AKAP9: variants seen among roughly 807,000 people sequenced by gnomAD.
AKAP9 encodes the protein A-kinase anchor protein 9.
In AKAP9, 311 loss-of-function variants were observed where a neutral mutation model predicts 488.5. That is an observed-to-expected ratio of 0.64 (90% CI 0.58 to 0.70). The LOEUF is 0.70. Ranked by LOEUF, AKAP9 falls within the 30% of genes least tolerant of loss-of-function variation. AKAP9 has a pLI of 0.00. For missense variants in AKAP9, 4,215 were observed against 4,374.5 expected, an observed-to-expected ratio of 0.96 and a Z score of 1.03; for synonymous variants, 1,462 against 1,483.5, an observed-to-expected ratio of 0.99 and a Z score of 0.33.
intron 26 of AKAP9, among the ~76,000 whole-genome samples, chr7:92,067,905 T>C (rs936670540): frequency 2.6e-5 from 4 of 152,208 alleles, no homozygotes; most frequent in Admixed American, 1.3e-4. Context: ...TGGCACATAG[T>C]GAACACTTTA....
At position 92,083,027 on chromosome 7, in the gene AKAP9, C is replaced by T. The variant is rs569767528; in HGVS notation, c.8161-143C>T. 395 of 895,344 alleles carry T rather than the reference C, an allele frequency of 4.4e-4. 4 individuals are homozygous for T. The highest frequency in any genetic ancestry group is 3.8e-3 in the South Asian group (213 of 55,764). 55.5% of individuals were successfully genotyped at this position (895,344 alleles called of 1,614,324 possible). A position where few individuals can be genotyped will look rare whatever the true frequency, so the allele number is the denominator to read the frequency against. On this transcript the variant is annotated intron_variant, in intron 32 of 49. Transcript: ENST00000356239. Reference sequence around the variant, plus strand: ...CAAATATATATATGTAAACTGTGAGCGTTTCTGAAATGTTTTTCCTACTAC... The same window carrying T: ...CAAATATATATATGTAAACTGTGAGTGTTTCTGAAATGTTTTTCCTACTAC...
intron 46 of AKAP9, 76 bp from the exon 47 acceptor site, chr7:92,105,602 G>A: frequency 9.7e-7 from 1 of 1,032,590 alleles, no homozygotes; most frequent in Non-Finnish European, 1.5e-6. Flanking sequence ...ATTTAAACGT[G>A]TGATGTGATT....
chr7:91,948,478 T>C (rs1791754080), intron 1 of AKAP9, among the ~76,000 whole-genome samples: 1 of 152,166 alleles, frequency 6.6e-6, no homozygotes, highest in South Asian at 2.1e-4. Flanking sequence ...TTTGTTTTTT[T>C]GTTTTTTTAA....
At chr7:91,942,347 G>T (rs1032868114) in intron 1 of AKAP9, among the ~76,000 whole-genome samples, 6 of 152,190 alleles carry the variant, frequency 3.9e-5, no homozygotes, top group Non-Finnish European at 5.9e-5. Context: ...CTAAAATATA[G>T]TTGACTTTCC....
At chr7:91,970,473 A>G (rs1258682297) in intron 1 of AKAP9, 1 of 456,928 alleles carries the variant, frequency 2.2e-6, no homozygotes, top group South Asian at 1.6e-5. Flanking sequence ...TTTCTTTCAG[A>G]TTGAAGAACT....
Position 91,981,623 on chromosome 7 carries a change from T to C in AKAP9, c.351+1290T>C, listed in dbSNP as rs1350160925. ...TATTTCTTTTTTTTTTTTTTTTTTT[T>C]CACCAAGATGGAGTCTCACTCTGTT... On this transcript the variant is annotated intron_variant, in intron 3 of 49. Transcript: ENST00000356239. Among the ~76,000 whole-genome samples the C allele has an allele frequency of 4.9e-4, 63 of 127,406 alleles. 1 individual carries two copies. The highest frequency in any genetic ancestry group is 5.1e-4 in the South Asian group (2 of 3,946). 83.6% of individuals were successfully genotyped at this position (127,406 alleles called of 152,430 possible). A position where few individuals can be genotyped will look rare whatever the true frequency, so the allele number is the denominator to read the frequency against.
intron 16 of AKAP9, among the ~76,000 whole-genome samples, chr7:92,034,997 G>T (rs538250613): frequency 6.6e-6 from 1 of 151,458 alleles, no homozygotes; most frequent in Non-Finnish European, 1.5e-5. Context: ...CTTTTTCTGC[G>T]TGCTTTGGAC....
chr7:92,058,513 C>T (rs1013926091), intron 22 of AKAP9: 30 of 346,618 alleles, frequency 8.7e-5, no homozygotes, highest in Middle Eastern at 9.9e-4. Context: ...TTGTTTGATG[C>T]GTTACTACTC....
At position 92,014,278 on chromosome 7, in the gene AKAP9, A is replaced by T; in HGVS notation, c.3562A>T (p.Ile1188Phe). The change falls in exon 10 of 50, where the codon ATT (isoleucine) becomes TTT (phenylalanine). Residue 1188 changes from isoleucine to phenylalanine, a missense_variant. Physicochemically the swap from Ile to Phe is conservative, Grantham distance 21. Coordinates refer to ENST00000356239, the MANE Select transcript of AKAP9 (RefSeq NM_005751.5). ...GDEGKPLHLLIGKLQKAVSEE... is the reference protein window; with the variant it reads ...GDEGKPLHLLFGKLQKAVSEE... Reference sequence around the variant, plus strand: ...TGAAGGAAAGCCTTTACATCTGCTCATTGGAAAACTTCAAAAGGCAGTGTC... The same window carrying T: ...TGAAGGAAAGCCTTTACATCTGCTCTTTGGAAAACTTCAAAAGGCAGTGTC... The T allele has an allele frequency of 6.2e-7, 1 of 1,613,440 alleles. No homozygotes were observed. The highest frequency in any genetic ancestry group is 2.2e-5 in the East Asian group (1 of 44,882).
chr7:92,028,240 A>G (rs912666395), intron 14 of AKAP9, among the ~76,000 whole-genome samples: 2 of 136,224 alleles, frequency 1.5e-5, no homozygotes, highest in Non-Finnish European at 3.0e-5. Flanking sequence ...CTATTATCCT[A>G]TGACCCTGCC....
rs909958614 is a variant in AKAP9 at position 92,065,398 on chromosome 7, A to G, written c.6145A>G (p.Met2049Val). The G allele has an allele frequency of 2.5e-6, 4 of 1,613,164 alleles. No homozygotes were observed. Among genetic ancestry groups the G allele is most frequent in the Non-Finnish European group, 3.4e-6 (4 of 1,179,486 alleles). Residue 2049 changes from methionine (M) to valine (V), a missense_variant, in exon 25 of 50, where the codon ATG (methionine) becomes GTG (valine). Physicochemically the swap from Met to Val is conservative, Grantham distance 21. Transcript: ENST00000356239. ...ELEQEKNTEL[M>V]DLRQQNQALE... is the part of the protein sequence containing the mutation. The stretch of plus-strand genomic sequence containing the variant: ...GGAACAAGAAAAAAATACTGAACTA[A>G]TGGATTTAAGACAGCAAAACCAAGC...
intron 49 of AKAP9, 25 bp downstream of exon 49, chr7:92,108,658 G>A: frequency 6.2e-7 from 1 of 1,613,936 alleles, no homozygotes; most frequent in Non-Finnish European, 8.5e-7. Context: ...ACCACATCTT[G>A]GCAGCACCAC....
intron 1 of AKAP9, among the ~76,000 whole-genome samples, chr7:91,954,572 TAA>T (rs1174784650): frequency 6.6e-6 from 1 of 152,194 alleles, no homozygotes; most frequent in Non-Finnish European, 1.5e-5. Flanking sequence ...CCAGCCCCAG[TAA>T]ATATACTTTA....
At chr7:91,965,957 T>C (rs1337161156) in intron 1 of AKAP9, among the ~76,000 whole-genome samples, 3 of 152,242 alleles carry the variant, frequency 2.0e-5, no homozygotes, top group Non-Finnish European at 4.4e-5. Context: ...ATGAATAGTT[T>C]GTAGCTATTT....
chr7:92,082,451 T>A, intron 31 of AKAP9, 71 bp from the exon 32 acceptor site: 1 of 1,518,464 alleles, frequency 6.6e-7, no homozygotes, highest in African/African-American at 1.4e-5. Flanking sequence ...TTTATTAGAA[T>A]GTATAAGAGC....
intron 3 of AKAP9, among the ~76,000 whole-genome samples, chr7:91,986,683 TA>T (rs1207740798): frequency 6.6e-6 from 1 of 152,142 alleles, no homozygotes; most frequent in African/African-American, 2.4e-5. Context: ...TTTTTTAAAT[TA>T]AAAAACTGGT....
chr7:91,967,924 G>A (rs565167844), intron 1 of AKAP9, among the ~76,000 whole-genome samples: 126 of 152,192 alleles, frequency 8.3e-4, no homozygotes, highest in Non-Finnish European at 1.6e-3. Flanking sequence ...CAAGTCCTGG[G>A]CTTTTCTTTG....
In AKAP9 at chr7:92,085,495, G is replaced by C. The variant is rs780781486; in HGVS notation, c.8833G>C (p.Gly2945Arg). The C allele has an allele frequency of 1.2e-6, 2 of 1,613,942 alleles. No homozygotes were observed. Among genetic ancestry groups the C allele is most frequent in the Non-Finnish European group, 1.7e-6 (2 of 1,179,926 alleles). Residue 2945 changes from glycine to arginine, a missense_variant and splice_region_variant, in exon 36 of 50, where the codon GGA (glycine) becomes CGA (arginine). Around this residue, in one of 5 missense-constraint regions of AKAP9, gnomAD observed 1,476 missense variants for 1,477.4 expected, o/e 1.00. Coordinates refer to ENST00000356239, the MANE Select transcript of AKAP9 (RefSeq NM_005751.5). ...ATDSFPKKIK[G>R]LLRAVHNEGM... ...CTGGCTCTTGGGTTTTGGTTTCCAG[G>C]GATTACTGAGAGCTGTCCATAATGA...
intron 1 of AKAP9, among the ~76,000 whole-genome samples, chr7:91,960,590 G>T (rs1029803822): frequency 6.6e-6 from 1 of 152,052 alleles, no homozygotes; most frequent in Non-Finnish European, 1.5e-5. Context: ...TCTGTGTGAG[G>T]CTCTCCTAAT....
Sources: allele counts gnomAD v4.1 joint callset (sites outside exome capture counted in the v4.1 genomes callset), GRCh38; gene constraint gnomAD v4.1.1; regional missense constraint gnomAD v4.1.1; transcripts MANE v1.5; gene names NCBI Gene and HGNC (gene_info 2026-07-23, HGNC 2026-07-21).